NRP1: variants seen among roughly 807,000 people sequenced by gnomAD.
The protein encoded by NRP1 is neuropilin-1.
NRP1 carries 35 observed loss-of-function variants against 106.7 expected under a neutral mutation model. The ratio of observed to expected loss-of-function variants is 0.33; its 90% CI spans 0.25 to 0.43. The LOEUF is 0.43. Among genes scored for constraint, NRP1 ranks in the 20% least tolerant of loss-of-function variants. The pLI is 1.00. For missense variants in NRP1, 1,024 were observed against 1,170.4 expected (o/e 0.87, Z 1.83); for synonymous variants, 437 against 417.9 (o/e 1.05, Z -0.56).
chr10:33,263,829 T>G lies in NRP1; in HGVS notation c.475A>C (p.Lys159Gln), dbSNP rs777846803. The G allele has an allele frequency of 1.9e-6, 3 of 1,613,832 alleles. No homozygotes were observed. The highest frequency in any genetic ancestry group is 1.7e-6 in the Non-Finnish European group (2 of 1,179,716). Reference protein sequence around the residue: ...QNYTTPSGVIKSPGFPEKYPN... With the variant: ...QNYTTPSGVIQSPGFPEKYPN... ...TATTTTTCAGGGAATCCGGGGGACT[T>G]TATCACTCCACTAGGTGTTGTGTAG... The change falls in exon 4 of 17, where the codon AAG (lysine) becomes CAG (glutamine). Residue 159 changes from lysine to glutamine, a missense_variant. Around this residue, in one of 5 missense-constraint regions of NRP1, gnomAD observed 279 missense variants for 327.4 expected, o/e 0.85. Transcript: ENST00000374867.
At chr10:33,197,516 G>T in intron 12 of NRP1, 134 bp downstream of exon 12, 1 of 542,026 alleles carries the variant, frequency 1.8e-6, no homozygotes, top group Non-Finnish European at 3.2e-6. Flanking sequence ...AATATTTATG[G>T]CTCATGCTTG....
chr10:33,313,871 C>G (rs1209065900), intron 2 of NRP1, among the ~76,000 whole-genome samples: 1 of 152,204 alleles, frequency 6.6e-6, no homozygotes, highest in East Asian at 1.9e-4. Context: ...CTGCCCCAGA[C>G]AGTCTTTTGT....
In NRP1 at chr10:33,207,556, T is replaced by C; in HGVS notation, c.1759+16A>G. ...TTTAAAAACGCATGAGAAGTAACTC[T>C]GGAGATCATAATTACCTTCCACTTC... On this transcript the variant is annotated intron_variant, in intron 10 of 16. Transcript: ENST00000374867. 9 of 1,613,726 alleles carry C rather than the reference T, an allele frequency of 5.6e-6. No homozygotes were observed. The highest frequency in any genetic ancestry group is 7.6e-6 in the Non-Finnish European group (9 of 1,179,828).
chr10:33,212,514 G>A (rs1204047296), intron 9 of NRP1: 1 of 152,230 alleles, frequency 6.6e-6, no homozygotes, highest in East Asian at 1.9e-4. Flanking sequence ...TGGGGGCAGG[G>A]GGACTGGGAG....
intron 10 of NRP1, chr10:33,205,687 C>T (rs184822562): frequency 2.6e-5 from 4 of 153,294 alleles, no homozygotes; most frequent in African/African-American, 9.6e-5. Flanking sequence ...CTGGGTGGTG[C>T]CAGCTGATCC....
At chr10:33,226,421 C>A (rs1411822841) in intron 6 of NRP1, 132 bp from the exon 7 acceptor site, 1 of 868,606 alleles carries the variant, frequency 1.2e-6, no homozygotes, top group Non-Finnish European at 1.7e-6. Context: ...CATCGGGTGT[C>A]CACAGTCCCT....
chr10:33,229,987 A>G (rs1839978816), intron 6 of NRP1, among the ~76,000 whole-genome samples: 1 of 152,166 alleles, frequency 6.6e-6, no homozygotes, highest in Non-Finnish European at 1.5e-5. Flanking sequence ...GGGTTTAGTA[A>G]GGATGGATGA....
At chr10:33,263,942 G>C in intron 3 of NRP1, 69 bp from the exon 4 acceptor site, 2 of 967,078 alleles carry the variant, frequency 2.1e-6, no homozygotes. Context: ...GAAATAACCT[G>C]GGTAAAGACA....
Position 33,216,262 on chromosome 10 carries a change from C to T in NRP1, c.1283-2545G>A, listed in dbSNP as rs1053998383. Among the ~76,000 whole-genome samples, 5 of 151,096 alleles carry T rather than the reference C, an allele frequency of 3.3e-5. No individual in the cohort carries two copies. In the South Asian group the frequency reaches 6.3e-4, roughly 19 times the overall value. On this transcript the variant is annotated intron_variant, in intron 8 of 16. Transcript: ENST00000374867. ...ACGCCATTCTCCTGCCTCAGCCTCC[C>T]GAGTAGCTAGGACTCCAGGCGCCTG...
chr10:33,285,080 G>C (rs1844418468), intron 2 of NRP1, among the ~76,000 whole-genome samples: 1 of 152,198 alleles, frequency 6.6e-6, no homozygotes, highest in African/African-American at 2.4e-5. Flanking sequence ...TGCTTTGAAA[G>C]ACTGTTTTAG....
intron 13 of NRP1, among the ~76,000 whole-genome samples, chr10:33,189,316 A>G (rs1176490032): frequency 6.6e-6 from 1 of 152,104 alleles, no homozygotes; most frequent in African/African-American, 2.4e-5. Flanking sequence ...CCATACAAAA[A>G]CCTGTGCAAA....
intron 8 of NRP1, among the ~76,000 whole-genome samples, chr10:33,214,394 T>C (rs1217090825): frequency 6.6e-6 from 1 of 152,354 alleles, no homozygotes; most frequent in East Asian, 1.9e-4. Context: ...CCCTGTCTTT[T>C]AATTGGTGGC....
chr10:33,307,475 A>G (rs989650464), intron 2 of NRP1, among the ~76,000 whole-genome samples: 3 of 152,142 alleles, frequency 2.0e-5, no homozygotes, highest in Non-Finnish European at 4.4e-5. Flanking sequence ...TAAAATATCA[A>G]TTTGTGCCAT....
At chr10:33,232,863 G>A (rs1028034404) in intron 6 of NRP1, among the ~76,000 whole-genome samples, 8 of 151,886 alleles carry the variant, frequency 5.3e-5, no homozygotes, top group Middle Eastern at 3.4e-3. Context: ...GGCCAGGCTG[G>A]TCTTGAACTC....
At chr10:33,253,947 A>G in intron 6 of NRP1, 81 bp downstream of exon 6, 2 of 1,327,874 alleles carry the variant, frequency 1.5e-6, no homozygotes, top group Non-Finnish European at 2.1e-6. Flanking sequence ...CATTTGGCAC[A>G]GTACCACTTT....
chr10:33,301,127 A>G (rs936926117), intron 2 of NRP1, among the ~76,000 whole-genome samples: 1 of 152,256 alleles, frequency 6.6e-6, no homozygotes. Context: ...GTATTATTCA[A>G]ATAGGAGAGA....
At chr10:33,297,147 T>G (rs576440629) in intron 2 of NRP1, among the ~76,000 whole-genome samples, 2 of 152,336 alleles carry the variant, frequency 1.3e-5, no homozygotes, top group South Asian at 2.1e-4. Flanking sequence ...TGATGCCACT[T>G]AAGTTATGGT....
intron 6 of NRP1, among the ~76,000 whole-genome samples, chr10:33,238,416 C>A (rs1840748400): frequency 6.6e-6 from 1 of 152,140 alleles, no homozygotes; most frequent in Middle Eastern, 3.2e-3. Flanking sequence ...AATATCCAGT[C>A]CAGTGTGGAG....
In NRP1 at chr10:33,246,200, T is replaced by C. The variant is rs1439931454; in HGVS notation, c.981+7828A>G. Among the ~76,000 whole-genome samples the C allele has an allele frequency of 4.0e-5, 6 of 150,774 alleles. No individual in the cohort carries two copies. The East Asian group carries it at 1.2e-3, about 29-fold the overall frequency. ...AAAATATCCAAATAATCATCTCTAA[T>C]GTGTGCACCTGTTTTCCCCAAATCA... On this transcript the variant is annotated intron_variant, in intron 6 of 16. Transcript: ENST00000374867.
Sources: allele counts gnomAD v4.1 joint callset (sites outside exome capture counted in the v4.1 genomes callset), GRCh38; gene constraint gnomAD v4.1.1; regional missense constraint gnomAD v4.1.1; transcripts MANE v1.5; gene names NCBI Gene and HGNC (gene_info 2026-07-23, HGNC 2026-07-21).